Variants in ICA1 observed in about 807,000 individuals in gnomAD.
ICA1 encodes islet cell autoantigen 1, also known as 69 kDa islet cell autoantigen.
ICA1 carries 40 observed loss-of-function variants against 71.0 expected under a neutral mutation model. The observed-to-expected ratio is 0.56, with a 90% CI of 0.44 to 0.73. The LOEUF is 0.73. Ranked by LOEUF, ICA1 falls within the 30% of genes least tolerant of loss-of-function variation. The pLI, the probability that ICA1 is intolerant of heterozygous loss-of-function variation, is 0.00. For missense variants in ICA1, 578 were observed against 576.5 expected, an observed-to-expected ratio of 1.00 and a Z score of -0.03; for synonymous variants, 207 against 209.5, an observed-to-expected ratio of 0.99 and a Z score of 0.10.
At chr7:8,161,244 C>A (rs1803674180) in intron 6 of ICA1, among the ~76,000 whole-genome samples, 1 of 152,126 alleles carries the variant, frequency 6.6e-6, no homozygotes, top group South Asian at 2.1e-4. Context: ...AGCATAAAGA[C>A]CCCCTCATCT....
At chr7:8,227,020 A>T (rs1309725433) in intron 4 of ICA1, among the ~76,000 whole-genome samples, 2 of 152,190 alleles carry the variant, frequency 1.3e-5, no homozygotes, top group Non-Finnish European at 2.9e-5. Context: ...TGTTTAATGA[A>T]AAGTGGACAC....
intron 6 of ICA1, among the ~76,000 whole-genome samples, chr7:8,207,897 C>T (rs1402116457): frequency 6.6e-6 from 1 of 152,140 alleles, no homozygotes; most frequent in Non-Finnish European, 1.5e-5. Context: ...AGACTTAGGA[C>T]CTGGGACAAA....
At chr7:8,206,318 C>T (rs948061316) in intron 6 of ICA1, among the ~76,000 whole-genome samples, 1 of 152,084 alleles carries the variant, frequency 6.6e-6, no homozygotes, top group Non-Finnish European at 1.5e-5. Context: ...TGATGGCTTT[C>T]GAAAATGACT....
At chr7:8,189,031 G>A (rs1294231259) in intron 6 of ICA1, among the ~76,000 whole-genome samples, 3 of 152,160 alleles carry the variant, frequency 2.0e-5, no homozygotes, top group Non-Finnish European at 4.4e-5. Flanking sequence ...GTGAGCCCGC[G>A]AGCCAACCCC....
intron 6 of ICA1, among the ~76,000 whole-genome samples, chr7:8,167,463 C>T (rs935414292): frequency 4.6e-5 from 7 of 152,064 alleles, no homozygotes; most frequent in African/African-American, 9.7e-5. Flanking sequence ...CAGACACCAA[C>T]GCCTACTTGC....
rs1168084270 is a variant in ICA1, at chr7:8,128,071, C to T, written c.1132G>A (p.Glu378Lys). 3.7e-6 allele frequency: 6 copies of T among 1,614,096 alleles called. No homozygotes were observed. Among genetic ancestry groups the T allele is most frequent in the African/African-American group, 2.7e-5 (2 of 74,906 alleles). The change falls in exon 13 of 14, where the codon GAG becomes AAG. Residue 378 changes from glutamate (E) to lysine (K), a missense_variant. Physicochemically the swap from Glu to Lys is moderately conservative, Grantham distance 56 (BLOSUM62 1). Coordinates refer to ENST00000402384, the MANE Select transcript of ICA1 (RefSeq NM_001136020.3). ...ADKDDLLLLS[E>K]IFNASSLEEG... ...TCCAAGGAGGAAGCATTGAAGATCTCACTCAACAGCAGCAGGTCATCTTTG... is the reference window on the plus strand; with the variant it reads ...TCCAAGGAGGAAGCATTGAAGATCTTACTCAACAGCAGCAGGTCATCTTTG...
chr7:8,219,458 G>A (rs3807818), intron 5 of ICA1, among the ~76,000 whole-genome samples: 62,676 of 152,166 alleles, frequency 0.41, 14,450 homozygotes, highest in African/African-American at 0.64. Flanking sequence ...AATGCCTTAC[G>A]TGCGTGTAGC....
At chr7:8,242,627 C>T (rs1804386813) in intron 1 of ICA1, among the ~76,000 whole-genome samples, 1 of 152,118 alleles carries the variant, frequency 6.6e-6, no homozygotes, top group Non-Finnish European at 1.5e-5. Context: ...AATCCAGGAG[C>T]TGGTTTTTTG....
chr7:8,128,148 T>C lies in ICA1; in HGVS notation c.1061-6A>G, dbSNP rs1211428911. 2 of 1,613,380 alleles carry C rather than the reference T, an allele frequency of 1.2e-6. No homozygotes were observed. Among genetic ancestry groups the C allele is most frequent in the African/African-American group, 2.7e-5 (2 of 74,932 alleles). The stretch of plus-strand genomic sequence containing the variant: ...TGCCACTGGTCCCAGGCAAGCTGAT[T>C]GAAGTAACAGAGAACAAAACGTCAC... On this transcript the variant is annotated splice_polypyrimidine_tract_variant and splice_region_variant and intron_variant, in intron 12 of 13. Coordinates refer to ENST00000402384, the MANE Select transcript of ICA1 (RefSeq NM_001136020.3).
chr7:8,199,542 C>G (rs1027838888), intron 6 of ICA1, among the ~76,000 whole-genome samples: 3 of 152,006 alleles, frequency 2.0e-5, no homozygotes, highest in Non-Finnish European at 4.4e-5. Flanking sequence ...GAAACCCTGT[C>G]TCTACTAAAA....
chr7:8,128,685 C>T (rs1018535041), intron 12 of ICA1, among the ~76,000 whole-genome samples: 2 of 152,196 alleles, frequency 1.3e-5, no homozygotes, highest in South Asian at 4.1e-4. Flanking sequence ...TCCTTACTTC[C>T]TTCCCACTTT....
rs549133182 is a variant in ICA1, at chr7:8,168,394, A to T, written c.580-9742T>A. On this transcript the variant is annotated intron_variant, in intron 6 of 13. Transcript: ENST00000402384. ...GGAAATCCCTATTTTACAGAAGAGG[A>T]AATCGAGACCCAGATACTCATCTGA... Among the ~76,000 whole-genome samples, 23 of 152,276 alleles carry T rather than the reference A, an allele frequency of 1.5e-4. No homozygotes were observed. The East Asian group carries it at 4.4e-3, about 29-fold the overall frequency.
chr7:8,209,471 G>T (rs1792838216), intron 6 of ICA1, among the ~76,000 whole-genome samples: 1 of 152,062 alleles, frequency 6.6e-6, no homozygotes, highest in African/African-American at 2.4e-5. Flanking sequence ...TCTCATTTTT[G>T]TTCAATGGAA....
intron 9 of ICA1, chr7:8,142,129 TA>T (rs910868829): frequency 4.5e-6 from 3 of 665,658 alleles, no homozygotes; most frequent in Non-Finnish European, 6.8e-6. Flanking sequence ...AATTGATAGT[TA>T]AAAAAACTGT....
intron 6 of ICA1, among the ~76,000 whole-genome samples, chr7:8,166,145 C>G (rs1278174357): frequency 1.3e-5 from 2 of 152,230 alleles, no homozygotes; most frequent in East Asian, 3.9e-4. Flanking sequence ...GTAACCAAAA[C>G]AGCATATTGG....
chr7:8,127,051 TG>T (rs1370697077), intron 13 of ICA1, among the ~76,000 whole-genome samples: 5 of 152,032 alleles, frequency 3.3e-5, no homozygotes, highest in Non-Finnish European at 5.9e-5. Flanking sequence ...CTTGGCTCAC[TG>T]TAACTTTGCC....
intron 8 of ICA1, among the ~76,000 whole-genome samples, chr7:8,145,636 AAGTC>A (rs1311353034): frequency 6.6e-6 from 1 of 151,676 alleles, no homozygotes; most frequent in African/African-American, 2.4e-5. Flanking sequence ...CACATGCAGC[AAGTC>A]TGATAAAAAA....
intron 13 of ICA1, among the ~76,000 whole-genome samples, chr7:8,114,375 T>C (rs1407594916): frequency 6.6e-6 from 1 of 152,156 alleles, no homozygotes; most frequent in South Asian, 2.1e-4. Context: ...GGAAATAGCA[T>C]AGTTATTTCA....
chr7:8,176,200 C>G (rs1780581041), intron 6 of ICA1, among the ~76,000 whole-genome samples: 1 of 152,212 alleles, frequency 6.6e-6, no homozygotes, highest in Non-Finnish European at 1.5e-5. Flanking sequence ...GGTCTCCTTT[C>G]CCATGTTACC....
Sources: allele counts gnomAD v4.1 joint callset (sites outside exome capture counted in the v4.1 genomes callset), GRCh38; gene constraint gnomAD v4.1.1; transcripts MANE v1.5; gene names NCBI Gene and HGNC (gene_info 2026-07-23, HGNC 2026-07-21).